USP10: variants seen among roughly 807,000 people sequenced by gnomAD.
USP10 encodes ubiquitin specific peptidase 10, also known as ubiquitin carboxyl-terminal hydrolase 10.
A neutral mutation model predicts 84.5 loss-of-function variants in USP10; 22 were observed. That is an observed-to-expected ratio of 0.26 (90% CI 0.19 to 0.37). USP10 has a LOEUF of 0.37. Among genes scored for constraint, USP10 ranks in the 10% least tolerant of loss-of-function variants. The pLI is 1.00. For missense variants in USP10, 1,019 were observed against 998.9 expected (o/e 1.02, Z -0.27); for synonymous variants, 454 against 387.6 (o/e 1.17, Z -2.01).
intron 1 of USP10, among the ~76,000 whole-genome samples, chr16:84,705,352 C>T (rs1287963607): frequency 6.6e-6 from 1 of 152,130 alleles, no homozygotes; most frequent in Admixed American, 6.6e-5. Context: ...CTGCCTCAGC[C>T]TCCTGAGTAG....
At chr16:84,751,964 A>G (rs371801199) in intron 4 of USP10, among the ~76,000 whole-genome samples, 31 of 152,320 alleles carry the variant, frequency 2.0e-4, no homozygotes, top group African/African-American at 7.5e-4. Flanking sequence ...TTGAGTTGAT[A>G]AACAATTTCA....
chr16:84,748,595 C>G (rs1185237182), intron 4 of USP10, among the ~76,000 whole-genome samples: 1 of 152,108 alleles, frequency 6.6e-6, no homozygotes, highest in East Asian at 1.9e-4. Context: ...TGAGCCACCG[C>G]GCCCAGCTGA....
intron 13 of USP10, among the ~76,000 whole-genome samples, chr16:84,778,567 G>A (rs1162713379): frequency 6.6e-6 from 1 of 152,216 alleles, no homozygotes; most frequent in Non-Finnish European, 1.5e-5. Context: ...GCATGAGCCA[G>A]GTCTGTAGGC....
intron 1 of USP10, chr16:84,709,386 G>A (rs1905976252): frequency 6.6e-6 from 1 of 152,302 alleles, no homozygotes; most frequent in Non-Finnish European, 1.5e-5. Flanking sequence ...GTGTGTCTTG[G>A]GCACAGAGCT....
intron 4 of USP10, among the ~76,000 whole-genome samples, chr16:84,757,243 G>C (rs1912651246): frequency 6.6e-6 from 1 of 152,156 alleles, no homozygotes; most frequent in Non-Finnish European, 1.5e-5. Flanking sequence ...TTAAGAGAGA[G>C]AGGAGCTTTG....
At chr16:84,717,268 C>T (rs1907157018) in intron 1 of USP10, among the ~76,000 whole-genome samples, 1 of 152,012 alleles carries the variant, frequency 6.6e-6, no homozygotes, top group Non-Finnish European at 1.5e-5. Context: ...GGGCCTAATT[C>T]CCTTACATCA....
chr16:84,760,117 C>A, intron 7 of USP10, 55 bp from the exon 8 acceptor site: 1 of 1,555,774 alleles, frequency 6.4e-7, no homozygotes, highest in Non-Finnish European at 8.8e-7. Context: ...TTGCTTTTTT[C>A]ATCATTTATG....
chr16:84,744,378 T>C (rs920735330), intron 3 of USP10, among the ~76,000 whole-genome samples: 7 of 152,212 alleles, frequency 4.6e-5, no homozygotes, highest in African/African-American at 1.7e-4. Flanking sequence ...AAATTTATTT[T>C]AATTTCTACC....
At chr16:84,715,690 A>G (rs1045161072) in intron 1 of USP10, among the ~76,000 whole-genome samples, 5 of 152,218 alleles carry the variant, frequency 3.3e-5, no homozygotes, top group Middle Eastern at 6.8e-3. Flanking sequence ...ACTGGCTTAC[A>G]CCATAAACTA....
chr16:84,744,719 T>G lies in USP10; in HGVS notation c.238T>G (p.Ser80Ala). The part of the protein sequence containing the change: ...TLPRTPSYSI[S>A]STLNPQAPEF... ...GCCGAGAACCCCCAGCTACAGTATT[T>G]CAAGCACACTGAACCCTCAGGCCCC... is the stretch of plus-strand genomic sequence containing the variant. The change falls in exon 4 of 14, where the codon TCA (serine) becomes GCA (alanine). Residue 80 changes from serine to alanine, a missense_variant. This residue lies in a region of USP10 where 787 missense variants were observed against 708.8 expected (regional missense o/e 1.11). Coordinates refer to ENST00000219473, the MANE Select transcript of USP10 (RefSeq NM_005153.3). 6.2e-7 allele frequency: 1 copy of G among 1,613,704 alleles called. No individual in the cohort carries two copies.
At chr16:84,763,129 C>A in intron 9 of USP10, 41 bp downstream of exon 9, 1 of 1,371,548 alleles carries the variant, frequency 7.3e-7, no homozygotes, top group Non-Finnish European at 1.0e-6. Flanking sequence ...TGCAAGAGTT[C>A]GCTGTAAACA....
chr16:84,745,304 G>T lies in USP10; in HGVS notation c.823G>T (p.Gly275Cys). 1 of 1,613,118 alleles carries T rather than the reference G, an allele frequency of 6.2e-7. No individual in the cohort carries two copies. The highest frequency in any genetic ancestry group is 8.5e-7 in the Non-Finnish European group (1 of 1,179,720). The change falls in exon 4 of 14, where the codon GGT (glycine) becomes TGT (cysteine). Residue 275 changes from glycine (G) to cysteine (C), a missense_variant. This residue lies in a region of USP10 where 787 missense variants were observed against 708.8 expected (regional missense o/e 1.11). Transcript: ENST00000219473. ...GACAGCTGGGGCTCAGCCCTGCGTTGGTACCGATACTACTGAAAACCTTGG... is the reference window on the plus strand; with the variant it reads ...GACAGCTGGGGCTCAGCCCTGCGTTTGTACCGATACTACTGAAAACCTTGG... The part of the protein sequence containing the change: ...SRTAGAQPCV[G>C]TDTTENLGVA...
chr16:84,774,645 T>C (rs1914800471), intron 12 of USP10, among the ~76,000 whole-genome samples: 1 of 152,048 alleles, frequency 6.6e-6, no homozygotes, highest in South Asian at 2.1e-4. Context: ...TAATTTTTTG[T>C]ATTTTTAATA....
chr16:84,700,160 G>C, intron 1 of USP10, 49 bp downstream of exon 1: 1 of 1,219,240 alleles, frequency 8.2e-7, no homozygotes, highest in Non-Finnish European at 1.0e-6. Context: ...AGCCCCGGGC[G>C]GGCGGACGCC....
intron 10 of USP10, among the ~76,000 whole-genome samples, chr16:84,765,641 A>G (rs1913770782): frequency 6.6e-6 from 1 of 151,980 alleles, no homozygotes; most frequent in African/African-American, 2.4e-5. Flanking sequence ...TTGTCTATAT[A>G]TACACACCAC....
chr16:84,776,854 C>T (rs770025636), intron 13 of USP10, among the ~76,000 whole-genome samples: 3 of 152,210 alleles, frequency 2.0e-5, no homozygotes, highest in Non-Finnish European at 4.4e-5. Flanking sequence ...GCTCTGTCGC[C>T]CAGGCTGGAG....
At chr16:84,747,044 G>A (rs755153236) in intron 4 of USP10, among the ~76,000 whole-genome samples, 2 of 152,174 alleles carry the variant, frequency 1.3e-5, no homozygotes, top group Non-Finnish European at 2.9e-5. Flanking sequence ...GCCACTAGGC[G>A]GCAGGACGTT....
intron 2 of USP10, among the ~76,000 whole-genome samples, chr16:84,738,800 A>G (rs1265018283): frequency 6.6e-6 from 1 of 152,128 alleles, no homozygotes; most frequent in Non-Finnish European, 1.5e-5. Flanking sequence ...TATTGCTGTG[A>G]TTATTGAATT....
At chr16:84,746,367 A>G (rs1911224536) in intron 4 of USP10, among the ~76,000 whole-genome samples, 1 of 152,246 alleles carries the variant, frequency 6.6e-6, no homozygotes, top group Admixed American at 6.5e-5. Context: ...CTTAACTAAG[A>G]TGGATATGTG....
Sources: gnomAD v4.1 joint callset for allele counts (sites outside exome capture counted in the v4.1 genomes callset) on GRCh38, gnomAD v4.1.1 for gene constraint, gnomAD v4.1.1 regional missense constraint, MANE v1.5 for transcripts, NCBI Gene and HGNC (gene_info 2026-07-23, HGNC 2026-07-21) for gene names.